Variants in SCARB1 observed in about 807,000 individuals in gnomAD.
SCARB1 encodes the protein scavenger receptor class B member 1, also known as CD36 and LIMPII analogous 1.
A neutral mutation model predicts 57.2 loss-of-function variants in SCARB1; 30 were observed. The ratio of observed to expected loss-of-function variants is 0.52; its 90% CI spans 0.39 to 0.71. The LOEUF (loss-of-function observed/expected upper bound fraction) is 0.71. Ranked by LOEUF, SCARB1 falls within the 30% of genes least tolerant of loss-of-function variation. The pLI, the probability that SCARB1 is intolerant of heterozygous loss-of-function variation, is 0.00. For missense variants in SCARB1, 543 were observed against 671.2 expected (o/e 0.81, Z 2.11); for synonymous variants, 249 against 268.3 (o/e 0.93, Z 0.70).
At chr12:124,823,071 G>A (rs1278331875) in intron 1 of SCARB1, among the ~76,000 whole-genome samples, 2 of 152,174 alleles carry the variant, frequency 1.3e-5, no homozygotes, top group East Asian at 1.9e-4. Context: ...TTTATGTGAC[G>A]TTCTAAAACA....
At chr12:124,798,617 T>G (rs917203963) in intron 8 of SCARB1, among the ~76,000 whole-genome samples, 2 of 151,548 alleles carry the variant, frequency 1.3e-5, no homozygotes, top group Non-Finnish European at 2.9e-5. Flanking sequence ...CCGAGGCGGG[T>G]GGATCACCTG....
chr12:124,782,336 G>C (rs1949347586), intron 12 of SCARB1, among the ~76,000 whole-genome samples: 1 of 152,146 alleles, frequency 6.6e-6, no homozygotes, highest in Non-Finnish European at 1.5e-5. Flanking sequence ...GGCTGCCCAG[G>C]GATCTGCATT....
chr12:124,850,903 C>A (rs1015900525), intron 1 of SCARB1, among the ~76,000 whole-genome samples: 6 of 152,320 alleles, frequency 3.9e-5, no homozygotes, highest in Admixed American at 3.3e-4. Context: ...CCCCCGACAA[C>A]AGCCCCTCCT....
At chr12:124,842,030 C>T (rs1951929552) in intron 1 of SCARB1, among the ~76,000 whole-genome samples, 2 of 152,222 alleles carry the variant, frequency 1.3e-5, no homozygotes, top group Admixed American at 1.3e-4. Context: ...CACTTCAGCC[C>T]TGGGGGTCCC....
At chr12:124,792,338 C>G (rs890940191) in intron 9 of SCARB1, among the ~76,000 whole-genome samples, 10 of 152,070 alleles carry the variant, frequency 6.6e-5, no homozygotes, top group African/African-American at 2.4e-4. Context: ...TGTTCCCAGT[C>G]CACAGGGAGG....
chr12:124,804,523 T>C (rs775387332), intron 7 of SCARB1, among the ~76,000 whole-genome samples: 2 of 152,210 alleles, frequency 1.3e-5, no homozygotes, highest in Non-Finnish European at 1.5e-5. Flanking sequence ...CTTGCGACAG[T>C]TGCTGTAGCA....
At chr12:124,808,660 G>A (rs964302423) in intron 6 of SCARB1, among the ~76,000 whole-genome samples, 1 of 151,986 alleles carries the variant, frequency 6.6e-6, no homozygotes, top group South Asian at 2.1e-4. Context: ...ATCCATTCAT[G>A]CTCCTGTACT....
At chr12:124,835,450 A>C (rs369337986) in intron 1 of SCARB1, among the ~76,000 whole-genome samples, 1 of 151,216 alleles carries the variant, frequency 6.6e-6, no homozygotes, top group Admixed American at 6.6e-5. Context: ...TGTAGATTTT[A>C]TTTTTTGTAG....
Position 124,778,396 on chromosome 12 carries a change from C to T in SCARB1, c.*191G>A. 2 of 1,242,084 alleles carry T rather than the reference C, an allele frequency of 1.6e-6. No homozygotes were observed. Among genetic ancestry groups the T allele is most frequent in the Non-Finnish European group, 2.0e-6 (2 of 985,444 alleles). 76.9% of individuals were successfully genotyped at this position (1,242,084 alleles called of 1,614,324 possible). The stretch of plus-strand genomic sequence containing the variant: ...TCCATCCCTGAGTGTCTGCACAAGC[C>T]TGCACGCATGTGTGTATGTGTGCCA... On this transcript the variant is annotated 3_prime_UTR_variant, in exon 13 of 13. Transcript: ENST00000261693.
In SCARB1 at chr12:124,807,804, C is replaced by T. The variant is rs144497106; in HGVS notation, c.966G>A (p.Pro322=). The change falls in exon 7 of 13, where the codon CCG becomes CCA. Residue 322 remains proline, a synonymous_variant. Transcript: ENST00000261693. The surrounding 1 kb of genome is among the most constrained non-coding windows in gnomAD (Gnocchi z 5.3). ...CGTTCTGAATTCCAGACTCCAGGCA[C>T]GGGCAGAAGCCTTCGTTGGGTGGGT... is the stretch of plus-strand genomic sequence containing the variant. The part of the protein sequence containing the change: ...SIYPPNEGFC[P]CLESGIQNVS... 41 of 1,614,124 alleles carry T rather than the reference C, an allele frequency of 2.5e-5. No homozygotes were observed. Among genetic ancestry groups the T allele is most frequent in the African/African-American group, 9.3e-5 (7 of 75,032 alleles).
chr12:124,779,571 G>GCGGAGC (rs2135513611), intron 12 of SCARB1, among the ~76,000 whole-genome samples: 1 of 152,344 alleles, frequency 6.6e-6, no homozygotes, highest in Non-Finnish European at 1.5e-5. Flanking sequence ...AGCAATGGCT[G>GCGGAGC]CGTCTGGGTG....
intron 1 of SCARB1, among the ~76,000 whole-genome samples, chr12:124,848,147 G>A (rs985150328): frequency 3.3e-5 from 5 of 152,166 alleles, no homozygotes; most frequent in Non-Finnish European, 5.9e-5. Context: ...GCAGTGGCAC[G>A]ATCTCGGCTC....
chr12:124,815,282 G>A (rs557271186), intron 2 of SCARB1, among the ~76,000 whole-genome samples, 168 bp from the exon 3 acceptor site: 5 of 152,234 alleles, frequency 3.3e-5, no homozygotes, highest in East Asian at 1.9e-4. Flanking sequence ...TGTCCCTCCC[G>A]CCGCCTGCCC....
chr12:124,783,093 A>G lies in SCARB1; in HGVS notation c.1402-282T>C, dbSNP rs1594174561. 4 of 426,906 alleles carry G rather than the reference A, an allele frequency of 9.4e-6. No homozygotes were observed. In the East Asian group the frequency reaches 1.9e-4, roughly 20 times the overall value. 26.4% of individuals were successfully genotyped at this position (426,906 alleles called of 1,614,324 possible). On this transcript the variant is annotated intron_variant, in intron 11 of 12. Transcript: ENST00000261693. ...GCCAGCGAGGAAGCAAGGTGGGGAG[A>G]TGGGCCATGGAGACCGACAACCAGT...
chr12:124,779,972 C>T (rs1487360467), intron 12 of SCARB1, among the ~76,000 whole-genome samples: 5 of 152,182 alleles, frequency 3.3e-5, no homozygotes, highest in African/African-American at 1.2e-4. Context: ...CCCAAAGAGC[C>T]GTGACTTGAG....
At position 124,778,201 on chromosome 12, in the gene SCARB1, G is replaced by A; in HGVS notation, c.*386C>T. 1 of 361,062 alleles carries A rather than the reference G, an allele frequency of 2.8e-6. No homozygotes were observed. Among genetic ancestry groups the A allele is most frequent in the South Asian group, 1.5e-4 (1 of 6,694 alleles). 22.4% of individuals were successfully genotyped at this position (361,062 alleles called of 1,614,324 possible). A position where few individuals can be genotyped will look rare whatever the true frequency, so the allele number is the denominator to read the frequency against. ...ACCGGGACTGCAGTGTTTCACCTTG[G>A]AGGGGAGGAAGCCTGGGCCCAACGG... On this transcript the variant is annotated 3_prime_UTR_variant, in exon 13 of 13. Coordinates refer to ENST00000261693, the MANE Select transcript of SCARB1 (RefSeq NM_005505.5).
chr12:124,795,491 T>C (rs1272848447), intron 8 of SCARB1, among the ~76,000 whole-genome samples: 1 of 152,136 alleles, frequency 6.6e-6, no homozygotes. Context: ...TCTAACCCCT[T>C]ATAGGGAAAC....
intron 9 of SCARB1, among the ~76,000 whole-genome samples, chr12:124,792,667 A>G (rs1949773482): frequency 7.1e-6 from 1 of 140,340 alleles, no homozygotes; most frequent in Non-Finnish European, 1.5e-5. Context: ...GGTTGCAGTG[A>G]GCTGAGATCA....
intron 11 of SCARB1, chr12:124,784,226 C>T (rs1949428478): frequency 6.6e-6 from 1 of 152,314 alleles, no homozygotes; most frequent in Non-Finnish European, 1.5e-5. Flanking sequence ...GGTTCTGAGT[C>T]CTTCTGTCCT....
Sources: allele counts gnomAD v4.1 joint callset (sites outside exome capture counted in the v4.1 genomes callset), GRCh38; gene constraint gnomAD v4.1.1; non-coding constraint Gnocchi (gnomAD v3.1); transcripts MANE v1.5; gene names NCBI Gene and HGNC (gene_info 2026-07-23, HGNC 2026-07-21).